The following ZNF804B variants were observed in gnomAD, a reference collection of about 807,000 sequenced individuals.
ZNF804B encodes the protein zinc finger protein 804B, also known as zinc finger 804B.
ZNF804B carries 80 observed loss-of-function variants against 101.4 expected under a neutral mutation model. That is an observed-to-expected ratio of 0.79 (90% CI 0.66 to 0.95). The LOEUF (loss-of-function observed/expected upper bound fraction) is 0.95. ZNF804B is among the 40% of genes least tolerant of loss of function. The pLI, the probability that ZNF804B is intolerant of heterozygous loss-of-function variation, is 0.00. For missense variants in ZNF804B, 1,673 were observed against 1,561.9 expected, an observed-to-expected ratio of 1.07 and a Z score of -1.20; for synonymous variants, 622 against 558.8, an observed-to-expected ratio of 1.11 and a Z score of -1.59.
At chr7:89,043,441 A>T (rs1319686328) in intron 1 of ZNF804B, among the ~76,000 whole-genome samples, 2 of 152,330 alleles carry the variant, frequency 1.3e-5, no homozygotes, top group Non-Finnish European at 2.9e-5. Flanking sequence ...TTTAATTACA[A>T]ACATCTAATT....
At chr7:89,194,157 G>A (rs1192626163) in intron 1 of ZNF804B, among the ~76,000 whole-genome samples, 1 of 151,820 alleles carries the variant, frequency 6.6e-6, no homozygotes, top group Non-Finnish European at 1.5e-5. Flanking sequence ...TTTTGATGGG[G>A]TTGTTTGTTT....
chr7:89,027,927 C>G (rs1287768801), intron 1 of ZNF804B, among the ~76,000 whole-genome samples: 3 of 152,080 alleles, frequency 2.0e-5, no homozygotes, highest in Non-Finnish European at 4.4e-5. Flanking sequence ...TCCTTGTTTG[C>G]CTTTTCTGCA....
At chr7:88,766,619 TA>T (rs1443004092) in intron 1 of ZNF804B, among the ~76,000 whole-genome samples, 1 of 152,200 alleles carries the variant, frequency 6.6e-6, no homozygotes, top group Non-Finnish European at 1.5e-5. Context: ...CAACATGATA[TA>T]CCCTTCTCTG....
rs936567105 is a variant in ZNF804B at position 89,274,415 on chromosome 7, G to GT, written c.250-52923dup. Among the ~76,000 whole-genome samples the GT allele has an allele frequency of 5.7e-5, 8 of 141,254 alleles. No individual in the cohort carries two copies. In the Admixed American group the frequency reaches 5.8e-4, roughly 10 times the overall value. The allele number at this position is 141,254 out of a possible 152,430, so 92.7% of individuals were successfully genotyped here. On this transcript the variant is annotated intron_variant, in intron 2 of 3. Transcript: ENST00000333190. Reference sequence around the variant, plus strand: ...TATGAGTGAGAATATGCGGTGTTTGGTTTTTTGTTCTTGTGATAGTTTACT... The same window carrying GT: ...TATGAGTGAGAATATGCGGTGTTTGGTTTTTTTGTTCTTGTGATAGTTTACT...
rs77855035 is a variant in ZNF804B at position 88,808,382 on chromosome 7, C to CAA, written c.108+48314_108+48315dup. Among the ~76,000 whole-genome samples the CAA allele has an allele frequency of 9.8e-5, 8 of 81,280 alleles. No homozygotes were observed. The East Asian group carries it at 1.3e-3, about 14-fold the overall frequency. 53.3% of individuals were successfully genotyped at this position (81,280 alleles called of 152,430 possible). On this transcript the variant is annotated intron_variant, in intron 1 of 3. Coordinates refer to ENST00000333190, the MANE Select transcript of ZNF804B (RefSeq NM_181646.5). ...GGGGGACAAGAGTGAGACATCATCT[C>CAA]AAAAAAAAAAAAAAAAAGTAAACCA...
chr7:88,962,612 A>T (rs1053179037), intron 1 of ZNF804B, among the ~76,000 whole-genome samples: 2 of 149,308 alleles, frequency 1.3e-5, no homozygotes, highest in African/African-American at 2.4e-5. Context: ...GTTTTTGGAA[A>T]TTTATTTCAT....
chr7:89,108,768 A>G (rs1389243628), intron 1 of ZNF804B, among the ~76,000 whole-genome samples: 5 of 152,168 alleles, frequency 3.3e-5, no homozygotes, highest in Admixed American at 3.3e-4. Flanking sequence ...AGTAGAGAAG[A>G]AATGACTGAA....
At chr7:89,046,378 A>T (rs1319268466) in intron 1 of ZNF804B, among the ~76,000 whole-genome samples, 1 of 152,220 alleles carries the variant, frequency 6.6e-6, no homozygotes, top group Non-Finnish European at 1.5e-5. Flanking sequence ...AGAATGTCAA[A>T]GACATGGGAC....
At position 89,161,757 on chromosome 7, in the gene ZNF804B, T is replaced by C. The variant is rs550323748; in HGVS notation, c.109-56398T>C. On this transcript the variant is annotated intron_variant, in intron 1 of 3. Transcript: ENST00000333190. ...AGAATTGGTAAAATATCCTAATATCTGGTTAAAGTTGACATTATATATTCC... is the reference window on the plus strand; with the variant it reads ...AGAATTGGTAAAATATCCTAATATCCGGTTAAAGTTGACATTATATATTCC... Among the ~76,000 whole-genome samples, 16 of 152,130 alleles carry C rather than the reference T, an allele frequency of 1.1e-4. 1 individual carries two copies. Among genetic ancestry groups the C allele is most frequent in the South Asian group, 6.2e-4 (3 of 4,832 alleles).
intron 2 of ZNF804B, among the ~76,000 whole-genome samples, chr7:89,236,542 C>T (rs1368581190): frequency 2.0e-5 from 3 of 152,076 alleles, no homozygotes; most frequent in Non-Finnish European, 4.4e-5. Context: ...TTATCTGATG[C>T]ACATGTGACA....
At chr7:89,209,917 G>T (rs1338437715) in intron 1 of ZNF804B, among the ~76,000 whole-genome samples, 1 of 152,124 alleles carries the variant, frequency 6.6e-6, no homozygotes, top group East Asian at 1.9e-4. Flanking sequence ...GGGAGGCTGA[G>T]GCAGGTGGAT....
At chr7:89,167,220 G>A (rs1302451727) in intron 1 of ZNF804B, among the ~76,000 whole-genome samples, 1 of 151,602 alleles carries the variant, frequency 6.6e-6, no homozygotes, top group Non-Finnish European at 1.5e-5. Flanking sequence ...TGGATCACCT[G>A]AGGTCAAGAG....
At chr7:88,992,368 A>G (rs932000682) in intron 1 of ZNF804B, among the ~76,000 whole-genome samples, 9 of 152,142 alleles carry the variant, frequency 5.9e-5, no homozygotes, top group Admixed American at 5.2e-4. Context: ...TAAATAAGCT[A>G]CCCATCTAGA....
chr7:88,928,711 T>C (rs1238220860), intron 1 of ZNF804B, among the ~76,000 whole-genome samples: 1 of 152,170 alleles, frequency 6.6e-6, no homozygotes, highest in East Asian at 1.9e-4. Context: ...CCTGGCATTA[T>C]TCTTAAATCA....
intron 1 of ZNF804B, among the ~76,000 whole-genome samples, chr7:89,071,271 G>A (rs1238635882): frequency 6.6e-6 from 1 of 152,064 alleles, no homozygotes; most frequent in East Asian, 1.9e-4. Context: ...GTATTAAATT[G>A]TAAAGACCGA....
At chr7:88,993,817 A>C (rs139630865) in intron 1 of ZNF804B, among the ~76,000 whole-genome samples, 1 of 151,972 alleles carries the variant, frequency 6.6e-6, no homozygotes, top group Admixed American at 6.6e-5. Flanking sequence ...ATTTATTCTT[A>C]TTATAAAACT....
At chr7:89,263,135 G>A (rs1789735721) in intron 2 of ZNF804B, among the ~76,000 whole-genome samples, 1 of 152,076 alleles carries the variant, frequency 6.6e-6, no homozygotes, top group Non-Finnish European at 1.5e-5. Context: ...TGAGCCATTC[G>A]GGACACATTA....
At chr7:89,241,671 T>C (rs1449342922) in intron 2 of ZNF804B, among the ~76,000 whole-genome samples, 2 of 152,136 alleles carry the variant, frequency 1.3e-5, no homozygotes, top group South Asian at 4.1e-4. Context: ...TATTTTTTAC[T>C]GCATGGACAG....
At chr7:89,207,886 G>A (rs1298711590) in intron 1 of ZNF804B, among the ~76,000 whole-genome samples, 7 of 151,884 alleles carry the variant, frequency 4.6e-5, no homozygotes, top group African/African-American at 7.3e-5. Flanking sequence ...GCGTTTTCCC[G>A]ACTCAGGCTT....
Sources: gnomAD v4.1 joint callset for allele counts (sites outside exome capture counted in the v4.1 genomes callset) on GRCh38, gnomAD v4.1.1 for gene constraint, MANE v1.5 for transcripts, NCBI Gene and HGNC (gene_info 2026-07-23, HGNC 2026-07-21) for gene names.